SSBP3: variants seen among roughly 807,000 people sequenced by gnomAD.
SSBP3 encodes single stranded DNA binding protein 3.
In SSBP3, 5 loss-of-function variants were observed where a neutral mutation model predicts 69.6. That is an observed-to-expected ratio of 0.07 (90% confidence interval 0.04 to 0.15). The LOEUF (loss-of-function observed/expected upper bound fraction) is 0.15, where lower values mean the gene tolerates loss of function less well. SSBP3 is among the 10% of genes least tolerant of loss of function. The pLI is 1.00. For synonymous variants in SSBP3, 196 were observed against 193.4 expected, an observed-to-expected ratio of 1.01 and a Z score of -0.11; for missense variants, 312 against 534.0, an observed-to-expected ratio of 0.58 and a Z score of 4.10.
chr1:54,384,294 C>T lies in SSBP3; in HGVS notation c.276+17567G>A, dbSNP rs573931458. Reference sequence around the variant, plus strand: ...AAAGACCTACTTCAGAAAAGAAAGGCAAACACCAAGGCCAGGGCTCGAACT... The same window carrying T: ...AAAGACCTACTTCAGAAAAGAAAGGTAAACACCAAGGCCAGGGCTCGAACT... On this transcript the variant is annotated intron_variant, in intron 4 of 17. Coordinates refer to ENST00000610401, the Ensembl canonical transcript of SSBP3. Among the ~76,000 whole-genome samples, 5 of 152,276 alleles carry T rather than the reference C, an allele frequency of 3.3e-5. No homozygotes were observed. In the East Asian group the frequency reaches 9.7e-4, roughly 29 times the overall value.
intron 4 of SSBP3, among the ~76,000 whole-genome samples, chr1:54,361,928 G>T (rs1280565168): frequency 6.6e-6 from 1 of 152,202 alleles, no homozygotes; most frequent in Non-Finnish European, 1.5e-5. Context: ...CTTCCTCACT[G>T]AAAGAGGGTG....
chr1:54,228,959 G>T, intron 14 of SSBP3, 133 bp from the exon 15 acceptor site: 2 of 902,104 alleles, frequency 2.2e-6, no homozygotes, highest in Non-Finnish European at 3.5e-6. Flanking sequence ...GCTCACACTC[G>T]GACATGTCCT....
chr1:54,363,741 A>G (rs1646985640), intron 4 of SSBP3, among the ~76,000 whole-genome samples: 1 of 152,224 alleles, frequency 6.6e-6, no homozygotes, highest in Admixed American at 6.5e-5. Flanking sequence ...TTTCCACCAT[A>G]AAGGTATACT....
rs576554666 is a variant in SSBP3 at position 54,298,307 on chromosome 1, G to A, written c.277-16780C>T. ...GCACTACCATGCCGTACGGTCACAC[G>A]GAAGGCACGAACCCAGACTCACGAA... On this transcript the variant is annotated intron_variant, in intron 4 of 17. Coordinates refer to ENST00000610401, the Ensembl canonical transcript of SSBP3. Among the ~76,000 whole-genome samples, 6 of 152,128 alleles carry A rather than the reference G, an allele frequency of 3.9e-5. No homozygotes were observed. The South Asian group carries it at 1.0e-3, about 26-fold the overall frequency.
chr1:54,368,999 T>C (rs1185621897), intron 4 of SSBP3, among the ~76,000 whole-genome samples: 1 of 152,188 alleles, frequency 6.6e-6, no homozygotes, highest in Non-Finnish European at 1.5e-5. Flanking sequence ...TGAGCAGAAT[T>C]CACAGCACCA....
chr1:54,338,753 C>T (rs1646554018), intron 4 of SSBP3, among the ~76,000 whole-genome samples: 1 of 152,156 alleles, frequency 6.6e-6, no homozygotes, highest in South Asian at 2.1e-4. Context: ...TATCTCTTTG[C>T]CCCCACCCTT....
intron 4 of SSBP3, among the ~76,000 whole-genome samples, chr1:54,375,299 AGGGGAATTTATTCATTCCTACTT>A (rs1647200546): frequency 6.6e-6 from 1 of 152,186 alleles, no homozygotes; most frequent in Non-Finnish European, 1.5e-5. Context: ...CAAACCACCT[AGGGGAATTTATTCATTCCTACTT>A]GGGGGGGATC....
At chr1:54,310,473 G>A (rs974617380) in intron 4 of SSBP3, among the ~76,000 whole-genome samples, 2 of 152,112 alleles carry the variant, frequency 1.3e-5, no homozygotes, top group Non-Finnish European at 2.9e-5. Context: ...CCTTCCCAGG[G>A]GTTAATTTTA....
At chr1:54,294,503 G>A (rs560099347) in intron 4 of SSBP3, among the ~76,000 whole-genome samples, 2 of 152,178 alleles carry the variant, frequency 1.3e-5, no homozygotes, top group African/African-American at 2.4e-5. Context: ...AGTGTCTGGG[G>A]AAAGCATTTG....
intron 3 of SSBP3, among the ~76,000 whole-genome samples, chr1:54,402,837 T>G (rs1649408023): frequency 6.6e-6 from 1 of 152,150 alleles, no homozygotes; most frequent in African/African-American, 2.4e-5. Context: ...AACACGGAGT[T>G]GTCAGTGATA....
At chr1:54,306,524 T>A (rs1569727716) in intron 4 of SSBP3, among the ~76,000 whole-genome samples, 2 of 152,148 alleles carry the variant, frequency 1.3e-5, no homozygotes, top group South Asian at 2.1e-4. Flanking sequence ...CTTGGCTGAG[T>A]GGGAAAGCCA....
intron 5 of SSBP3, among the ~76,000 whole-genome samples, chr1:54,259,458 C>A (rs1292094603): frequency 6.6e-6 from 1 of 152,338 alleles, no homozygotes; most frequent in Admixed American, 6.5e-5. Context: ...GAAGCACGTT[C>A]CAGCCCACCC....
chr1:54,272,686 A>G (rs927790788), intron 5 of SSBP3, among the ~76,000 whole-genome samples: 25 of 152,194 alleles, frequency 1.6e-4, no homozygotes, highest in Non-Finnish European at 3.5e-4. Context: ...GCCACGGTAC[A>G]GTGCTGGGAG....
At chr1:54,284,004 GGGTAA>G (rs1645442610) in intron 4 of SSBP3, among the ~76,000 whole-genome samples, 1 of 152,132 alleles carries the variant, frequency 6.6e-6, no homozygotes, top group Admixed American at 6.6e-5. Flanking sequence ...TTTAAAAATG[GGGTAA>G]GGTAAACATC....
chr1:54,306,891 T>C (rs1569729444), intron 4 of SSBP3, among the ~76,000 whole-genome samples: 1 of 152,094 alleles, frequency 6.6e-6, no homozygotes, highest in Non-Finnish European at 1.5e-5. Context: ...TGGACAGAGG[T>C]GGCATGCGCC....
chr1:54,339,503 T>A (rs1268053342), intron 4 of SSBP3, among the ~76,000 whole-genome samples: 4 of 152,154 alleles, frequency 2.6e-5, no homozygotes, highest in Non-Finnish European at 1.5e-5. Context: ...CTTCACAGGC[T>A]CTTGCGGAGT....
chr1:54,360,134 T>C (rs1376883181), intron 4 of SSBP3, among the ~76,000 whole-genome samples: 4 of 152,218 alleles, frequency 2.6e-5, no homozygotes, highest in Non-Finnish European at 5.9e-5. Flanking sequence ...ATCAATTACA[T>C]AACTTCTCTT....
intron 4 of SSBP3, among the ~76,000 whole-genome samples, chr1:54,358,448 A>C (rs1444136524): frequency 6.6e-6 from 1 of 152,198 alleles, no homozygotes; most frequent in Non-Finnish European, 1.5e-5. Context: ...TGACTGGATG[A>C]CCAACTGGAA....
chr1:54,332,250 A>G (rs1646429948), intron 4 of SSBP3, among the ~76,000 whole-genome samples: 1 of 152,194 alleles, frequency 6.6e-6, no homozygotes. Context: ...AGGTGGCAGG[A>G]GCAGTAGGTG....
Sources: allele counts gnomAD v4.1 joint callset (sites outside exome capture counted in the v4.1 genomes callset), GRCh38; gene constraint gnomAD v4.1.1; transcripts MANE v1.5; gene names NCBI Gene and HGNC (gene_info 2026-07-23, HGNC 2026-07-21).